Variants in CCDC178 observed in about 807,000 individuals in gnomAD.
CCDC178 encodes the protein coiled-coil domain-containing protein 178.
A neutral mutation model predicts 117.4 loss-of-function variants in CCDC178; 126 were observed. The observed-to-expected ratio is 1.07, with a 90% CI of 0.93 to 1.24. The LOEUF (loss-of-function observed/expected upper bound fraction) is 1.24, where lower values mean the gene tolerates loss of function less well. Ranked by LOEUF, CCDC178 falls within the 50% of genes most tolerant of loss-of-function variation. The pLI is 0.00. For missense variants in CCDC178, 1,030 were observed against 986.9 expected (o/e 1.04, Z -0.59); for synonymous variants, 283 against 313.4 (o/e 0.90, Z 1.02).
chr18:33,034,907 A>G (rs1313691738), intron 21 of CCDC178, among the ~76,000 whole-genome samples: 2 of 152,068 alleles, frequency 1.3e-5, no homozygotes, highest in Admixed American at 6.6e-5. Flanking sequence ...TATTAAAATA[A>G]TGCCAATATA....
intron 20 of CCDC178, among the ~76,000 whole-genome samples, chr18:33,148,780 A>C (rs1237027799): frequency 6.6e-6 from 1 of 152,182 alleles, no homozygotes; most frequent in African/African-American, 2.4e-5. Context: ...GCTTAAAGGA[A>C]GTGACTTGGT....
At chr18:33,344,303 T>A (rs1420790575) in intron 9 of CCDC178, among the ~76,000 whole-genome samples, 2 of 90,688 alleles carry the variant, frequency 2.2e-5, no homozygotes, top group Middle Eastern at 0.011. Context: ...AGAGCGAGAC[T>A]CCGTCTCAAA....
chr18:33,348,803 G>T lies in CCDC178; in HGVS notation c.457+87C>A, dbSNP rs556916151. The stretch of plus-strand genomic sequence containing the variant: ...TAATAATTATAAAATTCTTAAACAT[G>T]ATTATTGTGACAATCAGAAATATAT... On this transcript the variant is annotated intron_variant, in intron 8 of 22. Transcript: ENST00000383096. The T allele has an allele frequency of 2.1e-5, 17 of 828,332 alleles. No homozygotes were observed. The East Asian group carries it at 4.6e-4, about 22-fold the overall frequency. The allele number at this position is 828,332 out of a possible 1,614,324, so 51.3% of individuals were successfully genotyped here. A position where few individuals can be genotyped will look rare whatever the true frequency, so the allele number is the denominator to read the frequency against.
At chr18:33,385,427 T>C (rs1232678029) in intron 5 of CCDC178, among the ~76,000 whole-genome samples, 1 of 152,158 alleles carries the variant, frequency 6.6e-6, no homozygotes, top group African/African-American at 2.4e-5. Context: ...CAGGGTCACA[T>C]GGCACTTACT....
chr18:33,286,104 GCTGGGA>G (rs2060096318), intron 12 of CCDC178, among the ~76,000 whole-genome samples: 1 of 151,464 alleles, frequency 6.6e-6, no homozygotes, highest in Non-Finnish European at 1.5e-5. Context: ...CTCCTGAGCA[GCTGGGA>G]CTACAGGTGT....
At chr18:33,156,641 C>CAAAAAAA (rs35712594) in intron 20 of CCDC178, among the ~76,000 whole-genome samples, 7 of 99,220 alleles carry the variant, frequency 7.1e-5, no homozygotes, top group East Asian at 3.0e-4. Flanking sequence ...TCCTCCCTCT[C>CAAAAAAA]AAAAAAAAAA....
At chr18:33,225,152 A>T (rs146183788) in intron 16 of CCDC178, among the ~76,000 whole-genome samples, 2 of 150,798 alleles carry the variant, frequency 1.3e-5, no homozygotes, top group East Asian at 3.9e-4. Flanking sequence ...AATATAATAT[A>T]ATATATATAT....
chr18:33,300,328 C>G (rs1025316011), intron 11 of CCDC178, among the ~76,000 whole-genome samples: 1 of 152,140 alleles, frequency 6.6e-6, no homozygotes, highest in African/African-American at 2.4e-5. Context: ...TCAGGTATTT[C>G]TTTATAGCAA....
chr18:33,161,346 T>C (rs1187343073), intron 20 of CCDC178, among the ~76,000 whole-genome samples: 1 of 152,024 alleles, frequency 6.6e-6, no homozygotes, highest in African/African-American at 2.4e-5. Context: ...CCGAGACTAA[T>C]GAAAACTACA....
At chr18:33,374,544 A>G (rs1170616103) in intron 5 of CCDC178, among the ~76,000 whole-genome samples, 2 of 152,190 alleles carry the variant, frequency 1.3e-5, no homozygotes, top group East Asian at 1.9e-4. Flanking sequence ...TGGAAATGTA[A>G]AATTGTTTAA....
chr18:33,080,060 T>G (rs1458745777), intron 21 of CCDC178, among the ~76,000 whole-genome samples: 2 of 151,402 alleles, frequency 1.3e-5, no homozygotes, highest in Non-Finnish European at 2.9e-5. Context: ...ATAAAGAAAA[T>G]GTGGTGCATC....
intron 12 of CCDC178, among the ~76,000 whole-genome samples, chr18:33,289,457 T>C (rs2060139989): frequency 6.6e-6 from 1 of 151,762 alleles, no homozygotes; most frequent in Non-Finnish European, 1.5e-5. Flanking sequence ...CTACTAAAAA[T>C]ACAAAAATTA....
intron 21 of CCDC178, among the ~76,000 whole-genome samples, chr18:33,059,742 T>G (rs1417051005): frequency 6.6e-6 from 1 of 152,230 alleles, no homozygotes; most frequent in Non-Finnish European, 1.5e-5. Flanking sequence ...TAAGTTGACT[T>G]TCTGCCTCCA....
At chr18:33,158,063 G>A (rs563153177) in intron 20 of CCDC178, among the ~76,000 whole-genome samples, 6 of 152,208 alleles carry the variant, frequency 3.9e-5, no homozygotes, top group South Asian at 4.1e-4. Context: ...CTAGATACAT[G>A]AGCTTCTTGA....
At chr18:32,962,993 G>A (rs1217571453) in intron 22 of CCDC178, among the ~76,000 whole-genome samples, 1 of 151,830 alleles carries the variant, frequency 6.6e-6, no homozygotes, top group Non-Finnish European at 1.5e-5. Flanking sequence ...TGATATTTCT[G>A]GACTTATTAA....
intron 9 of CCDC178, among the ~76,000 whole-genome samples, chr18:33,339,948 G>A (rs1308523417): frequency 6.6e-6 from 1 of 152,028 alleles, no homozygotes; most frequent in Non-Finnish European, 1.5e-5. Context: ...GGAGTGGGGT[G>A]TGCTGAAAAG....
chr18:33,325,006 T>TCC (rs2062565787), intron 10 of CCDC178, among the ~76,000 whole-genome samples: 1 of 151,632 alleles, frequency 6.6e-6, no homozygotes, highest in Non-Finnish European at 1.5e-5. Context: ...TATAATAATA[T>TCC]TAAAATAATT....
intron 20 of CCDC178, among the ~76,000 whole-genome samples, chr18:33,183,515 T>C (rs1053246952): frequency 3.9e-5 from 6 of 151,972 alleles, no homozygotes; most frequent in Non-Finnish European, 7.4e-5. Context: ...TATAAAAAAT[T>C]GGCACGGTAT....
At chr18:33,045,838 G>A (rs927896045) in intron 21 of CCDC178, among the ~76,000 whole-genome samples, 10 of 152,090 alleles carry the variant, frequency 6.6e-5, no homozygotes, top group Non-Finnish European at 1.3e-4. Flanking sequence ...AGGCCAAGGC[G>A]GGCAGATCAC....
Sources: gnomAD v4.1 joint callset for allele counts (sites outside exome capture counted in the v4.1 genomes callset) on GRCh38, gnomAD v4.1.1 for gene constraint, MANE v1.5 for transcripts, NCBI Gene and HGNC (gene_info 2026-07-23, HGNC 2026-07-21) for gene names.